PTPRN2: variants seen among roughly 807,000 people sequenced by gnomAD.
PTPRN2 encodes the protein receptor-type tyrosine-protein phosphatase N2.
In PTPRN2, 74 loss-of-function variants were observed where a neutral mutation model predicts 118.8. That is an observed-to-expected ratio of 0.62 (90% confidence interval 0.52 to 0.76). The LOEUF (loss-of-function observed/expected upper bound fraction) is 0.76. PTPRN2 is among the 30% of genes least tolerant of loss of function. The pLI is 0.00. For synonymous variants in PTPRN2, 641 were observed against 608.0 expected (o/e 1.05, Z -0.80); for missense variants, 1,481 against 1,394.4 (o/e 1.06, Z -0.99).
At chr7:158,354,163 C>T (rs1368410333) in intron 2 of PTPRN2, among the ~76,000 whole-genome samples, 1 of 152,076 alleles carries the variant, frequency 6.6e-6, no homozygotes, top group Non-Finnish European at 1.5e-5. Flanking sequence ...CCATCTAGTG[C>T]CAAAAAGGAG....
chr7:157,648,134 G>A (rs868208682), intron 14 of PTPRN2, among the ~76,000 whole-genome samples: 210 of 19,454 alleles, frequency 0.011, no homozygotes, highest in African/African-American at 0.02. Flanking sequence ...GGACCCATTC[G>A]CTGTGCACTG....
chr7:158,130,701 A>C lies in PTPRN2; in HGVS notation c.1556+2976T>G, dbSNP rs1321907661. On this transcript the variant is annotated intron_variant, in intron 9 of 22. Transcript: ENST00000389418. ...TACATACAGACACACACATCTACCCAACACACACTCATATACACACATGCA... is the reference window on the plus strand; with the variant it reads ...TACATACAGACACACACATCTACCCCACACACACTCATATACACACATGCA... Among the ~76,000 whole-genome samples the C allele has an allele frequency of 1.4e-5, 2 of 148,102 alleles. 1 individual carries two copies. The highest frequency in any genetic ancestry group is 4.1e-4 in the East Asian group (2 of 4,936).
rs1226170508 is a variant in PTPRN2 at position 157,953,121 on chromosome 7, C to T, written c.1724-54384G>A. Among the ~76,000 whole-genome samples, 1 of 152,226 alleles carries T rather than the reference C, an allele frequency of 6.6e-6. No individual in the cohort carries two copies. Among genetic ancestry groups the T allele is most frequent in the Non-Finnish European group, 1.5e-5 (1 of 68,034 alleles). Reference sequence around the variant, plus strand: ...CGGACCCACGGGGTGAGCCCTCTGGCTCGAGAAGTCCTCAGCGACATCTGG... The same window carrying T: ...CGGACCCACGGGGTGAGCCCTCTGGTTCGAGAAGTCCTCAGCGACATCTGG... On this transcript the variant is annotated intron_variant, in intron 11 of 22. Coordinates refer to ENST00000389418, the MANE Select transcript of PTPRN2 (RefSeq NM_002847.5). This position sits in a 1 kb window ranked among gnomAD's most constrained non-coding sequence, Gnocchi z 4.6.
chr7:158,133,076 G>A (rs144991275), intron 9 of PTPRN2, among the ~76,000 whole-genome samples: 231 of 152,334 alleles, frequency 1.5e-3, no homozygotes, highest in African/African-American at 5.0e-3. Flanking sequence ...TCTGAGACTC[G>A]TTAAGTTCAG....
chr7:157,736,058 GTGTCC>G (rs796284028), intron 12 of PTPRN2, among the ~76,000 whole-genome samples: 34 of 152,336 alleles, frequency 2.2e-4, no homozygotes, highest in African/African-American at 7.9e-4. Flanking sequence ...AGCAGAGCAT[GTGTCC>G]TGGTCCTGCC....
At chr7:157,821,826 GT>G (rs148127750) in intron 12 of PTPRN2, among the ~76,000 whole-genome samples, 2,206 of 152,246 alleles carry the variant, frequency 0.014, 57 homozygotes, top group African/African-American at 0.05. Context: ...GATGACATAG[GT>G]TGTGGTGAAG....
intron 14 of PTPRN2, among the ~76,000 whole-genome samples, chr7:157,645,602 T>C (rs999775458): frequency 6.6e-6 from 1 of 152,220 alleles, no homozygotes; most frequent in African/African-American, 2.4e-5. Flanking sequence ...TTTCTGTGCG[T>C]CCAATAACAG....
rs774520272 is a variant in PTPRN2 at position 157,779,577 on chromosome 7, C to T, written c.1789-96640G>A. Among the ~76,000 whole-genome samples the T allele has an allele frequency of 1.3e-5, 2 of 152,142 alleles. No homozygotes were observed. Among genetic ancestry groups the T allele is most frequent in the East Asian group, 1.9e-4 (1 of 5,168 alleles). ...GAGGGTGGGGGCGGCAGGCTGTCTC[C>T]GGTGCTTGCCTTCTCTGTCTAAATA... On this transcript the variant is annotated intron_variant, in intron 12 of 22. Coordinates refer to ENST00000389418, the MANE Select transcript of PTPRN2 (RefSeq NM_002847.5). The surrounding 1 kb of genome is among the most constrained non-coding windows in gnomAD (Gnocchi z 4.7).
chr7:158,176,513 G>C (rs1254290389), intron 5 of PTPRN2, among the ~76,000 whole-genome samples: 1 of 152,200 alleles, frequency 6.6e-6, no homozygotes, highest in African/African-American at 2.4e-5. Context: ...CGAGTGAACA[G>C]AGGAACCGTA....
rs535759050 is a variant in PTPRN2, at chr7:158,545,311, C to T, written c.112+42247G>A. Among the ~76,000 whole-genome samples the T allele has an allele frequency of 3.2e-4, 49 of 152,340 alleles. No individual in the cohort carries two copies. In the East Asian group the frequency reaches 4.1e-3, roughly 13 times the overall value. ...GTAAGAAGCTCCCTCCAAATGAGAACGTCACACATGCAGGGACCAGTCCTG... is the reference window on the plus strand; with the variant it reads ...GTAAGAAGCTCCCTCCAAATGAGAATGTCACACATGCAGGGACCAGTCCTG... On this transcript the variant is annotated intron_variant, in intron 1 of 22. Coordinates refer to ENST00000389418, the MANE Select transcript of PTPRN2 (RefSeq NM_002847.5).
At chr7:158,441,871 AGTGGTG>A (rs1317765475) in intron 2 of PTPRN2, among the ~76,000 whole-genome samples, 1 of 135,916 alleles carries the variant, frequency 7.4e-6, no homozygotes, top group Non-Finnish European at 1.6e-5. Flanking sequence ...TGGTCATGGC[AGTGGTG>A]GTGATAGTGA....
At position 158,443,485 on chromosome 7, in the gene PTPRN2, C is replaced by T. The variant is rs184057870; in HGVS notation, c.163+46250G>A. On this transcript the variant is annotated intron_variant, in intron 2 of 22. Coordinates refer to ENST00000389418, the MANE Select transcript of PTPRN2 (RefSeq NM_002847.5). ...GGGCTGCCCGCCGCCTGGTCAGTCA[C>T]GCTATGCAGCTCTTAGGTTGAATCC... Among the ~76,000 whole-genome samples, 153 of 152,322 alleles carry T rather than the reference C, an allele frequency of 1.0e-3. 3 individuals carry two copies. The highest frequency in any genetic ancestry group is 3.4e-3 in the African/African-American group (140 of 41,570).
chr7:158,337,764 C>A (rs373809699), intron 2 of PTPRN2, among the ~76,000 whole-genome samples: 2 of 94,476 alleles, frequency 2.1e-5, no homozygotes, highest in Non-Finnish European at 4.4e-5. Flanking sequence ...GAGGTGACAC[C>A]TGCAAACGTC....
intron 10 of PTPRN2, among the ~76,000 whole-genome samples, chr7:158,097,866 G>A (rs1225477019): frequency 1.3e-5 from 2 of 152,184 alleles, no homozygotes; most frequent in Admixed American, 6.5e-5. Flanking sequence ...CCACAAAACC[G>A]CAGGAGAGTC....
Position 157,916,203 on chromosome 7 carries a change from G to A in PTPRN2, c.1724-17466C>T, listed in dbSNP as rs116084671. Among the ~76,000 whole-genome samples, 475 of 152,266 alleles carry A rather than the reference G, an allele frequency of 3.1e-3. 4 individuals are homozygous for A. Among genetic ancestry groups the A allele is most frequent in the African/African-American group, 0.01 (423 of 41,556 alleles). The stretch of plus-strand genomic sequence containing the variant: ...TGCGTGTGGACGCTGGTCTCTCCTC[G>A]GCCCCAGTCCACGCTTTCCCCAGGT... On this transcript the variant is annotated intron_variant, in intron 11 of 22. Coordinates refer to ENST00000389418, the MANE Select transcript of PTPRN2 (RefSeq NM_002847.5).
In PTPRN2 at chr7:157,654,804, A is replaced by G. The variant is rs139373252; in HGVS notation, c.2196+1553T>C. Among the ~76,000 whole-genome samples the G allele has an allele frequency of 8.1e-4, 123 of 152,368 alleles. No homozygotes were observed. In the East Asian group the frequency reaches 0.022, roughly 27 times the overall value. ...GATATCATCAAATTGTTACTCAAGC[A>G]CCTTGAAATGTGGAAATATCAGAAC... is the stretch of plus-strand genomic sequence containing the variant. On this transcript the variant is annotated intron_variant, in intron 14 of 22. Coordinates refer to ENST00000389418, the MANE Select transcript of PTPRN2 (RefSeq NM_002847.5).
chr7:157,991,271 A>G (rs6979776), intron 11 of PTPRN2, among the ~76,000 whole-genome samples: 127,366 of 152,220 alleles, frequency 0.84, 53,502 homozygotes, highest in African/African-American at 0.9. Context: ...GGGATCCCCA[A>G]GAAAGTACCC....
chr7:157,573,878 T>C (rs1056844989), intron 19 of PTPRN2, among the ~76,000 whole-genome samples: 1 of 152,226 alleles, frequency 6.6e-6, no homozygotes, highest in African/African-American at 2.4e-5. Context: ...CACCTTGTGC[T>C]CAACCTATTT....
intron 11 of PTPRN2, among the ~76,000 whole-genome samples, chr7:158,069,494 C>T (rs912869818): frequency 2.0e-5 from 3 of 151,590 alleles, no homozygotes; most frequent in African/African-American, 7.3e-5. Context: ...ACCACACCCC[C>T]ACCTTCTCCA....
Sources: allele counts gnomAD v4.1 joint callset (sites outside exome capture counted in the v4.1 genomes callset), GRCh38; gene constraint gnomAD v4.1.1; non-coding constraint Gnocchi (gnomAD v3.1); transcripts MANE v1.5; gene names NCBI Gene and HGNC (gene_info 2026-07-23, HGNC 2026-07-21).